Variants in DENND10 observed in about 807,000 individuals in gnomAD.
The protein encoded by DENND10 is DENN domain-containing protein 10.
In DENND10, 24 loss-of-function variants were observed where a neutral mutation model predicts 43.6. The observed-to-expected ratio is 0.55, with a 90% CI of 0.40 to 0.77. The LOEUF is 0.77. DENND10 is among the 30% of genes least tolerant of loss of function. The pLI is 0.00. For synonymous variants in DENND10, 125 were observed against 157.6 expected, an observed-to-expected ratio of 0.79 and a Z score of 1.55; for missense variants, 303 against 429.9, an observed-to-expected ratio of 0.70 and a Z score of 2.61.
chr10:119,120,963 A>G (rs1214267840), intron 5 of DENND10, among the ~76,000 whole-genome samples: 1 of 152,000 alleles, frequency 6.6e-6, no homozygotes, highest in Non-Finnish European at 1.5e-5. Context: ...TTGATAGTAC[A>G]TATAGATTTT....
intron 6 of DENND10, among the ~76,000 whole-genome samples, chr10:119,125,873 T>C (rs1845805278): frequency 6.6e-6 from 1 of 152,170 alleles, no homozygotes. Flanking sequence ...GTCACCCTAT[T>C]GTGCTATCAA....
rs1226205222 is a variant in DENND10, at chr10:119,120,305, G to A, written c.482-36G>A. The A allele has an allele frequency of 5.7e-6, 7 of 1,224,798 alleles. No homozygotes were observed. In the African/African-American group the frequency reaches 9.0e-5, roughly 16 times the overall value. 75.9% of individuals were successfully genotyped at this position (1,224,798 alleles called of 1,614,324 possible). A position where few individuals can be genotyped will look rare whatever the true frequency, so the allele number is the denominator to read the frequency against. On this transcript the variant is annotated intron_variant, in intron 4 of 8. Coordinates refer to ENST00000361432, the MANE Select transcript of DENND10 (RefSeq NM_207009.4). ...AAATCTTTATTTCTTTGCATGATGTGTAATGCAGTAACATTACAATTTCTC... is the reference window on the plus strand; with the variant it reads ...AAATCTTTATTTCTTTGCATGATGTATAATGCAGTAACATTACAATTTCTC...
chr10:119,118,373 T>C (rs748148089), intron 4 of DENND10, among the ~76,000 whole-genome samples: 7 of 152,234 alleles, frequency 4.6e-5, no homozygotes, highest in Admixed American at 1.3e-4. Flanking sequence ...GTTATCTCTG[T>C]CATCTGAAGA....
At chr10:119,136,424 A>G (rs1327739567) in intron 8 of DENND10, 47 bp from the exon 9 acceptor site, 3 of 1,564,266 alleles carry the variant, frequency 1.9e-6, no homozygotes, top group Non-Finnish European at 2.6e-6. Flanking sequence ...TAAATATTCA[A>G]ATTTCGGATA....
At position 119,137,812 on chromosome 10, in the gene DENND10, A is replaced by C. The variant is rs1162980840; in HGVS notation, c.*1165A>C. ...GTGAGGGCAGGGAGTACCTGAAATAAGACAATGTTTACTAAGGCAAATAAT... is the reference window on the plus strand; with the variant it reads ...GTGAGGGCAGGGAGTACCTGAAATACGACAATGTTTACTAAGGCAAATAAT... On this transcript the variant is annotated 3_prime_UTR_variant, in exon 9 of 9. Coordinates refer to ENST00000361432, the MANE Select transcript of DENND10 (RefSeq NM_207009.4). The C allele has an allele frequency of 6.0e-6, 1 of 166,308 alleles. No individual in the cohort carries two copies. Among genetic ancestry groups the C allele is most frequent in the East Asian group, 1.9e-4 (1 of 5,184 alleles). 10.3% of individuals were successfully genotyped at this position (166,308 alleles called of 1,614,324 possible). A position where few individuals can be genotyped will look rare whatever the true frequency, so the allele number is the denominator to read the frequency against.
intron 3 of DENND10, among the ~76,000 whole-genome samples, chr10:119,112,377 A>C (rs1225013826): frequency 6.6e-6 from 1 of 152,146 alleles, no homozygotes; most frequent in Non-Finnish European, 1.5e-5. Flanking sequence ...AAGCTAGGGA[A>C]TTCTGATTAA....
Position 119,136,531 on chromosome 10 carries a change from G to A in DENND10, c.958G>A (p.Ala320Thr), listed in dbSNP as rs1846368195. The A allele has an allele frequency of 6.3e-7, 1 of 1,588,108 alleles. No homozygotes were observed. Among genetic ancestry groups the A allele is most frequent in the South Asian group, 1.2e-5 (1 of 86,312 alleles). ...CCTAGCACCGTTTTCAGAAGTTTCG[G>A]CTGATGGAGAAAAGAGAGTCCTTAA... ...TNLAPFSEVS[A>T]DGEKRVLNLE... is the part of the protein sequence containing the mutation. The change falls in exon 9 of 9, where the codon GCT becomes ACT. Residue 320 changes from alanine to threonine, a missense_variant. Physicochemically the swap from Ala to Thr is moderately conservative, Grantham distance 58 (BLOSUM62 0). Coordinates refer to ENST00000361432, the MANE Select transcript of DENND10 (RefSeq NM_207009.4).
At position 119,104,129 on chromosome 10, in the gene DENND10, C is replaced by A; in HGVS notation, c.-14C>A. 1 of 1,503,276 alleles carries A rather than the reference C, an allele frequency of 6.7e-7. No individual in the cohort carries two copies. The highest frequency in any genetic ancestry group is 8.9e-7 in the Non-Finnish European group (1 of 1,126,404). 93.1% of individuals were successfully genotyped at this position (1,503,276 alleles called of 1,614,324 possible). On this transcript the variant is annotated 5_prime_UTR_variant, in exon 1 of 9. Coordinates refer to ENST00000361432, the MANE Select transcript of DENND10 (RefSeq NM_207009.4). ...GCAGGCGGCAGCCAGAGCTGCGCGCCGCGGCGGCGGAAGATGGCTGCGGCC... is the reference window on the plus strand; with the variant it reads ...GCAGGCGGCAGCCAGAGCTGCGCGCAGCGGCGGCGGAAGATGGCTGCGGCC...
intron 6 of DENND10, 93 bp downstream of exon 6, chr10:119,123,662 T>G: frequency 1.0e-6 from 1 of 954,056 alleles, no homozygotes; most frequent in Non-Finnish European, 1.6e-6. Flanking sequence ...CAGGATGGAG[T>G]GCAATGGCAC....
chr10:119,113,190 G>T (rs1185583553), intron 3 of DENND10, among the ~76,000 whole-genome samples: 128 of 111,270 alleles, frequency 1.2e-3, no homozygotes, highest in South Asian at 4.1e-3. Flanking sequence ...TTTTTTTCTG[G>T]TTGTTGTCTT....
intron 2 of DENND10, among the ~76,000 whole-genome samples, chr10:119,109,199 A>G (rs996732642): frequency 4.9e-5 from 7 of 142,220 alleles, no homozygotes; most frequent in African/African-American, 1.8e-4. Context: ...CTAGGCAACA[A>G]GAGCGAAACT....
chr10:119,118,404 A>G (rs1041463975), intron 4 of DENND10, among the ~76,000 whole-genome samples: 3 of 152,018 alleles, frequency 2.0e-5, no homozygotes, highest in African/African-American at 7.3e-5. Flanking sequence ...TTGACCACAA[A>G]CTCCTAATTT....
chr10:119,116,796 G>A (rs1054900906), intron 3 of DENND10, among the ~76,000 whole-genome samples: 3 of 151,218 alleles, frequency 2.0e-5, no homozygotes, highest in Admixed American at 2.0e-4. Flanking sequence ...AGCCTCCTGA[G>A]TAGCTGGGAT....
intron 6 of DENND10, among the ~76,000 whole-genome samples, chr10:119,125,081 C>G (rs940359686): frequency 6.6e-6 from 1 of 151,954 alleles, no homozygotes; most frequent in Non-Finnish European, 1.5e-5. Flanking sequence ...AAGCAATTCT[C>G]CTGCCTTAGC....
intron 1 of DENND10, chr10:119,105,451 A>AT: frequency 1.1e-6 from 1 of 873,670 alleles, no homozygotes; most frequent in Non-Finnish European, 1.5e-6. Flanking sequence ...CACCCGATTA[A>AT]TTTTTGTATT....
Position 119,115,382 on chromosome 10 carries a change from A to ATTTTTTTTTTTTTTTTTTTTTTTT in DENND10, c.333-2114_333-2113insTTTTTTTTTTTTTTTTTTTTTTTT, listed in dbSNP as rs397845392. 8.3e-5 allele frequency among the ~76,000 whole-genome samples: 4 copies of ATTTTTTTTTTTTTTTTTTTTTTTT among 48,418 alleles called. 1 individual carries two copies. The highest frequency in any genetic ancestry group is 8.0e-4 in the East Asian group (1 of 1,244). 31.8% of individuals were successfully genotyped at this position (48,418 alleles called of 152,430 possible). On this transcript the variant is annotated intron_variant, in intron 3 of 8. Coordinates refer to ENST00000361432, the MANE Select transcript of DENND10 (RefSeq NM_207009.4). Reference sequence around the variant, plus strand: ...CGTCAAGTTGTGAATTGAATTGGTAATTTTTTTTTTTTTTTTTTTTTTTGA... The same window carrying ATTTTTTTTTTTTTTTTTTTTTTTT: ...CGTCAAGTTGTGAATTGAATTGGTAATTTTTTTTTTTTTTTTTTTTTTTTTTTTTTTTTTTTTTTTTTTTTTTGA...
Position 119,120,465 on chromosome 10 carries a change from A to G in DENND10, c.593+13A>G, listed in dbSNP as rs1371073509. 3.9e-6 allele frequency: 6 copies of G among 1,529,510 alleles called. No homozygotes were observed. The highest frequency in any genetic ancestry group is 3.4e-5 in the Admixed American group (2 of 59,664). 94.7% of individuals were successfully genotyped at this position (1,529,510 alleles called of 1,614,324 possible). ...AGGAGTTCACCAGGTATCACCTCTAATTATAAAAAAGTGTTAACTTTGTTG... is the reference window on the plus strand; with the variant it reads ...AGGAGTTCACCAGGTATCACCTCTAGTTATAAAAAAGTGTTAACTTTGTTG... On this transcript the variant is annotated intron_variant, in intron 5 of 8. Transcript: ENST00000361432.
chr10:119,112,756 A>G (rs910063961), intron 3 of DENND10, among the ~76,000 whole-genome samples: 4 of 151,756 alleles, frequency 2.6e-5, no homozygotes, highest in African/African-American at 7.3e-5. Context: ...TGGCCTCCCA[A>G]AGTGCTGGGA....
intron 3 of DENND10, among the ~76,000 whole-genome samples, chr10:119,113,714 C>G (rs1471077307): frequency 6.7e-6 from 1 of 150,322 alleles, no homozygotes; most frequent in African/African-American, 2.4e-5. Context: ...GAGAAAAACT[C>G]TATCATAAGA....
Sources: allele counts gnomAD v4.1 joint callset (sites outside exome capture counted in the v4.1 genomes callset), GRCh38; gene constraint gnomAD v4.1.1; transcripts MANE v1.5; gene names NCBI Gene and HGNC (gene_info 2026-07-23, HGNC 2026-07-21).